Variants in CD276 observed in about 807,000 individuals in gnomAD.
The protein encoded by CD276 is CD276 molecule, also known as CD276 antigen.
CD276 carries 34 observed loss-of-function variants against 50.0 expected under a neutral mutation model. That is an observed-to-expected ratio of 0.68 (90% CI 0.52 to 0.91). The LOEUF (loss-of-function observed/expected upper bound fraction) is 0.91, where lower values mean the gene tolerates loss of function less well. Ranked by LOEUF, CD276 falls within the 40% of genes least tolerant of loss-of-function variation. The pLI, the probability that CD276 is intolerant of heterozygous loss-of-function variation, is 0.00. For synonymous variants in CD276, 275 were observed against 313.0 expected (o/e 0.88, Z 1.28); for missense variants, 634 against 717.5 (o/e 0.88, Z 1.33).
chr15:73,694,190 T>C (rs1900087245), intron 1 of CD276, among the ~76,000 whole-genome samples: 1 of 152,164 alleles, frequency 6.6e-6, no homozygotes, highest in Admixed American at 6.5e-5. Flanking sequence ...TGTGTGTCCA[T>C]GTTTGCCCAT....
At chr15:73,689,524 C>T (rs1456150472) in intron 1 of CD276, among the ~76,000 whole-genome samples, 1 of 152,094 alleles carries the variant, frequency 6.6e-6, no homozygotes, top group Non-Finnish European at 1.5e-5. Flanking sequence ...GGGACCCTCC[C>T]ATCTCTTTTC....
chr15:73,701,037 G>A, intron 2 of CD276, among the ~76,000 whole-genome samples: 1 of 150,082 alleles, frequency 6.7e-6, no homozygotes, highest in East Asian at 2.0e-4. Flanking sequence ...CTGAGTAGCT[G>A]GGATTACAGG....
intron 9 of CD276, chr15:73,711,546 A>G (rs150490681): frequency 5.0e-4 from 106 of 210,564 alleles, no homozygotes; most frequent in African/African-American, 2.3e-3. Context: ...CGCCCCCTCC[A>G]GAGCCAAGAG....
chr15:73,685,697 C>G (rs548397658), intron 1 of CD276, among the ~76,000 whole-genome samples: 1 of 152,236 alleles, frequency 6.6e-6, no homozygotes, highest in South Asian at 2.1e-4. Context: ...AGTGCGGCCT[C>G]CTCTAGTTCC....
chr15:73,697,505 C>A (rs1900222576), intron 1 of CD276: 1 of 151,240 alleles, frequency 6.6e-6, no homozygotes. Context: ...GAATTGGACT[C>A]TTTTTGGCTG....
chr15:73,690,102 C>T (rs932570500), intron 1 of CD276, among the ~76,000 whole-genome samples: 1 of 152,260 alleles, frequency 6.6e-6, no homozygotes, highest in African/African-American at 2.4e-5. Context: ...CATCCAGATC[C>T]TTTCCCCATA....
rs910584858 is a variant in CD276, at chr15:73,702,507, G to A, written c.332G>A (p.Arg111His). 9.3e-6 allele frequency: 15 copies of A among 1,613,042 alleles called. No individual in the cohort carries two copies. Among genetic ancestry groups the A allele is most frequent in the Admixed American group, 5.0e-5 (3 of 59,996 alleles). ...GGCAACGCATCCCTGAGGCTGCAGC[G>A]CGTGCGTGTGGCGGACGAGGGCAGC... The part of the protein sequence containing the change: ...AQGNASLRLQ[R>H]VRVADEGSFT... Residue 111 changes from arginine to histidine, a missense_variant, in exon 3 of 10, where the codon CGC becomes CAC. Transcript: ENST00000318443.
In CD276 at chr15:73,702,438, C is replaced by G; in HGVS notation, c.263C>G (p.Ala88Gly). 6.2e-7 allele frequency: 1 copy of G among 1,613,778 alleles called. No homozygotes were observed. The highest frequency in any genetic ancestry group is 8.5e-7 in the Non-Finnish European group (1 of 1,180,012). ...SFAEGQDQGS[A>G]YANRTALFPD... is the part of the protein sequence containing the mutation. ...GCTGAGGGCCAGGACCAGGGCAGCG[C>G]CTATGCCAACCGCACGGCCCTCTTC... Residue 88 changes from alanine to glycine, a missense_variant, in exon 3 of 10, where the codon GCC becomes GGC. By Grantham distance (60) the Ala-to-Gly change is moderately conservative. Coordinates refer to ENST00000318443, the MANE Select transcript of CD276 (RefSeq NM_001024736.2).
intron 1 of CD276, among the ~76,000 whole-genome samples, chr15:73,688,121 C>A (rs1348822042): frequency 6.6e-6 from 1 of 152,112 alleles, no homozygotes; most frequent in Non-Finnish European, 1.5e-5. Flanking sequence ...AGCTGGGGCA[C>A]TGATAGGGCT....
chr15:73,686,756 G>A (rs1899783802), intron 1 of CD276, among the ~76,000 whole-genome samples: 1 of 152,170 alleles, frequency 6.6e-6, no homozygotes, highest in Non-Finnish European at 1.5e-5. Context: ...ACAAGTGGCT[G>A]GATGGTACTT....
At chr15:73,695,745 G>C (rs1442822825) in intron 1 of CD276, among the ~76,000 whole-genome samples, 4 of 152,252 alleles carry the variant, frequency 2.6e-5, no homozygotes, top group Non-Finnish European at 5.9e-5. Context: ...TAGGTCTGCA[G>C]CTTGCTTCAG....
intron 2 of CD276, among the ~76,000 whole-genome samples, chr15:73,700,412 G>A (rs949609058): frequency 6.6e-6 from 1 of 152,232 alleles, no homozygotes; most frequent in Non-Finnish European, 1.5e-5. Flanking sequence ...CCGTGGGGAA[G>A]ACAAAGCTGA....
rs1038614279 is a variant in CD276 at position 73,699,518 on chromosome 15, G to C, written c.-54-68G>C. ...CAGCCTTCCCCACTCTGGTCCAGGAGAGATGAGGCAAGAGATGGTCTGGGG... is the reference window on the plus strand; with the variant it reads ...CAGCCTTCCCCACTCTGGTCCAGGACAGATGAGGCAAGAGATGGTCTGGGG... On this transcript the variant is annotated intron_variant, in intron 1 of 9. Coordinates refer to ENST00000318443, the MANE Select transcript of CD276 (RefSeq NM_001024736.2). 1.2e-4 allele frequency: 182 copies of C among 1,531,644 alleles called. No homozygotes were observed. The African/African-American group carries it at 2.4e-3, about 21-fold the overall frequency. 94.9% of individuals were successfully genotyped at this position (1,531,644 alleles called of 1,614,324 possible).
Position 73,710,751 on chromosome 15 carries a change from T to A in CD276, c.1547-384T>A, listed in dbSNP as rs142060533. Reference sequence around the variant, plus strand: ...GAGGAGAAGAGTGTGGGTGATGGAGTTGGTCAGTCTCATTCCACATGGTCC... The same window carrying A: ...GAGGAGAAGAGTGTGGGTGATGGAGATGGTCAGTCTCATTCCACATGGTCC... On this transcript the variant is annotated intron_variant, in intron 8 of 9. Transcript: ENST00000318443. Among the ~76,000 whole-genome samples the A allele has an allele frequency of 1.4e-3, 217 of 151,948 alleles. 2 individuals carry two copies. Among genetic ancestry groups the A allele is most frequent in the African/African-American group, 5.0e-3 (206 of 41,438 alleles).
intron 1 of CD276, among the ~76,000 whole-genome samples, chr15:73,689,142 C>T (rs1250995726): frequency 6.6e-6 from 1 of 151,716 alleles, no homozygotes; most frequent in South Asian, 2.1e-4. Context: ...GCTGGACCTC[C>T]TCTGGGCCCA....
intron 9 of CD276, 103 bp from the exon 10 acceptor site, chr15:73,712,831 A>C: frequency 8.4e-7 from 1 of 1,193,338 alleles, no homozygotes; most frequent in Non-Finnish European, 1.2e-6. Flanking sequence ...CCCCACTTGA[A>C]GTCTGACCAG....
intron 3 of CD276, 84 bp downstream of exon 3, chr15:73,702,677 A>G: frequency 6.4e-7 from 1 of 1,555,486 alleles, no homozygotes; most frequent in Non-Finnish European, 8.7e-7. Flanking sequence ...CACTGCTCCC[A>G]GAACCCCAGT....
Position 73,702,334 on chromosome 15 carries a change from C to G in CD276, c.159C>G (p.Ser53=). 1 of 1,613,562 alleles carries G rather than the reference C, an allele frequency of 6.2e-7. No individual in the cohort carries two copies. The highest frequency in any genetic ancestry group is 1.7e-5 in the Admixed American group (1 of 60,024). The change falls in exon 3 of 10, where the codon TCC becomes TCG. Residue 53 remains serine, a synonymous_variant. Transcript: ENST00000318443. ...GTDATLCCSF[S]PEPGFSLAQL... is the part of the protein sequence containing the mutation. ...ATGCCACCCTGTGCTGCTCCTTCTCCCCTGAGCCTGGCTTCAGCCTGGCAC... is the reference window on the plus strand; with the variant it reads ...ATGCCACCCTGTGCTGCTCCTTCTCGCCTGAGCCTGGCTTCAGCCTGGCAC...
At chr15:73,706,527 T>C (rs1900659538) in intron 6 of CD276, among the ~76,000 whole-genome samples, 1 of 152,218 alleles carries the variant, frequency 6.6e-6, no homozygotes, top group Admixed American at 6.5e-5. Context: ...AGTGAGGAGA[T>C]GAGCCATGAT....
Sources: allele counts gnomAD v4.1 joint callset (sites outside exome capture counted in the v4.1 genomes callset), GRCh38; gene constraint gnomAD v4.1.1; transcripts MANE v1.5; gene names NCBI Gene and HGNC (gene_info 2026-07-23, HGNC 2026-07-21).